The following DNTT variants were observed in gnomAD, a reference collection of about 807,000 sequenced individuals.
DNTT encodes DNA nucleotidylexotransferase, also known as nucleosidetriphosphate:DNA deoxynucleotidylexotransferase.
Under a neutral mutation model 60.9 loss-of-function variants are expected in DNTT, and 47 were observed. That is an observed-to-expected ratio of 0.77 (90% CI 0.61 to 0.98). The LOEUF is 0.98. DNTT is among the 50% of genes least tolerant of loss of function. The probability of loss-of-function intolerance (pLI) is 0.00; values close to 1 mark genes in which losing one functional copy is unlikely to be tolerated. For missense variants in DNTT, 665 were observed against 627.5 expected, an observed-to-expected ratio of 1.06 and a Z score of -0.64; for synonymous variants, 224 against 221.2, an observed-to-expected ratio of 1.01 and a Z score of -0.11.
chr10:96,338,092 CT>C, intron 10 of DNTT, 45 bp from the exon 11 acceptor site: 1 of 1,553,108 alleles, frequency 6.4e-7, no homozygotes, highest in Non-Finnish European at 8.8e-7. Flanking sequence ...CACCATGGTG[CT>C]TATGAAAAAT....
chr10:96,320,504 G>A, intron 3 of DNTT, 114 bp from the exon 4 acceptor site: 2 of 1,246,102 alleles, frequency 1.6e-6, no homozygotes, highest in African/African-American at 1.5e-5. Context: ...TGACCTAGAA[G>A]GAAACACGCA....
chr10:96,324,151 G>A (rs1844911310), intron 5 of DNTT, 115 bp from the exon 6 acceptor site: 3 of 1,370,702 alleles, frequency 2.2e-6, no homozygotes, highest in Non-Finnish European at 2.9e-6. Context: ...GGAGAAACTA[G>A]GTCAAAGATT....
intron 6 of DNTT, among the ~76,000 whole-genome samples, chr10:96,324,820 A>G (rs1844921650): frequency 6.6e-6 from 1 of 152,218 alleles, no homozygotes; most frequent in Admixed American, 6.5e-5. Context: ...GTTGTGGGTG[A>G]AGAGTCAAAG....
At position 96,327,491 on chromosome 10, in the gene DNTT, G is replaced by T; in HGVS notation, c.898G>T (p.Val300Phe). 6.2e-7 allele frequency: 1 copy of T among 1,614,104 alleles called. No homozygotes were observed. Among genetic ancestry groups the T allele is most frequent in the Non-Finnish European group, 8.5e-7 (1 of 1,179,958 alleles). ...AGGATTTCTGTATTATGAAGACCTT[G>T]TCAGCTGTGTGACCAGGGCAGAAGC... ...KAGFLYYEDL[V>F]SCVTRAEAEA... The change falls in exon 7 of 11, where the codon GTC becomes TTC. Residue 300 changes from valine (V) to phenylalanine (F), a missense_variant. By Grantham distance (50) the Val-to-Phe change is conservative. Coordinates refer to ENST00000371174, the MANE Select transcript of DNTT (RefSeq NM_004088.4).
At chr10:96,318,143 G>A (rs961706390) in intron 1 of DNTT, among the ~76,000 whole-genome samples, 1 of 152,150 alleles carries the variant, frequency 6.6e-6, no homozygotes, top group Non-Finnish European at 1.5e-5. Context: ...TATTGTTCGT[G>A]CATCTGACAT....
intron 1 of DNTT, among the ~76,000 whole-genome samples, chr10:96,317,598 G>A (rs1460582849): frequency 2.0e-4 from 30 of 152,142 alleles, no homozygotes; most frequent in Admixed American, 2.0e-3. Context: ...GGGCCTTTGG[G>A]AGGTGAGTAG....
intron 3 of DNTT, 53 bp downstream of exon 3, chr10:96,319,443 T>G (rs1392773238): frequency 4.4e-6 from 7 of 1,592,866 alleles, no homozygotes; most frequent in Non-Finnish European, 6.0e-6. Context: ...TGCAGCTTCT[T>G]TCTGTGGACC....
chr10:96,320,925 C>T, intron 4 of DNTT, 137 bp downstream of exon 4: 1 of 916,738 alleles, frequency 1.1e-6, no homozygotes, highest in South Asian at 1.8e-5. Flanking sequence ...ACATATTCCT[C>T]TCTCTCTCCT....
intron 3 of DNTT, 126 bp downstream of exon 3, chr10:96,319,516 C>T: frequency 7.4e-7 from 1 of 1,346,386 alleles, no homozygotes; most frequent in Non-Finnish European, 1.0e-6. Flanking sequence ...TACCTGCAGC[C>T]CTAGCCTGAT....
chr10:96,307,705 G>GTA (rs1203030676), intron 1 of DNTT, among the ~76,000 whole-genome samples: 5 of 52,882 alleles, frequency 9.5e-5, no homozygotes, highest in African/African-American at 3.3e-4. Context: ...GTGTGTGTGT[G>GTA]TATATATATA....
chr10:96,313,750 G>T (rs1844749695), intron 1 of DNTT, among the ~76,000 whole-genome samples: 1 of 152,190 alleles, frequency 6.6e-6, no homozygotes, highest in Non-Finnish European at 1.5e-5. Flanking sequence ...ACTTAATAGT[G>T]CCTTGAGCCC....
intron 8 of DNTT, among the ~76,000 whole-genome samples, chr10:96,331,633 C>T (rs1845008022): frequency 6.6e-6 from 1 of 152,114 alleles, no homozygotes; most frequent in South Asian, 2.1e-4. Flanking sequence ...GAGATCTTCC[C>T]CTATGACCCA....
intron 9 of DNTT, among the ~76,000 whole-genome samples, chr10:96,333,026 G>A (rs1845026546): frequency 6.6e-6 from 1 of 152,156 alleles, no homozygotes; most frequent in South Asian, 2.1e-4. Flanking sequence ...ATAAAGTGGA[G>A]AGGCAACTCA....
At chr10:96,315,150 C>T (rs1844772896) in intron 1 of DNTT, among the ~76,000 whole-genome samples, 1 of 151,798 alleles carries the variant, frequency 6.6e-6, no homozygotes, top group African/African-American at 2.4e-5. Flanking sequence ...GTCTGGGCCA[C>T]AACAGAGATT....
chr10:96,337,633 C>T (rs540366443), intron 10 of DNTT, among the ~76,000 whole-genome samples: 2 of 152,314 alleles, frequency 1.3e-5, no homozygotes, highest in East Asian at 3.9e-4. Flanking sequence ...AAAGAGATCA[C>T]AGAGTGGGAT....
chr10:96,332,200 C>T, intron 8 of DNTT, 151 bp from the exon 9 acceptor site: 1 of 1,071,116 alleles, frequency 9.3e-7, no homozygotes. Flanking sequence ...TTAGTGTTTT[C>T]TCCTAGTGTT....
At chr10:96,317,576 T>G (rs1323411106) in intron 1 of DNTT, among the ~76,000 whole-genome samples, 1 of 152,162 alleles carries the variant, frequency 6.6e-6, no homozygotes, top group African/African-American at 2.4e-5. Context: ...AAAGCGATGA[T>G]ATTAGAAGGT....
chr10:96,329,365 C>T (rs186910170), intron 8 of DNTT, among the ~76,000 whole-genome samples: 1 of 152,330 alleles, frequency 6.6e-6, no homozygotes, highest in Admixed American at 6.5e-5. Context: ...TTGTGACAGG[C>T]CTATTGCCTG....
At chr10:96,333,044 G>A (rs1845026845) in intron 9 of DNTT, among the ~76,000 whole-genome samples, 1 of 152,042 alleles carries the variant, frequency 6.6e-6, no homozygotes, top group Admixed American at 6.5e-5. Context: ...TCACAGATTG[G>A]GAAAAAATAT....
Sources: gnomAD v4.1 joint callset for allele counts (sites outside exome capture counted in the v4.1 genomes callset) on GRCh38, gnomAD v4.1.1 for gene constraint, MANE v1.5 for transcripts, NCBI Gene and HGNC (gene_info 2026-07-23, HGNC 2026-07-21) for gene names.